Variants in ASB15 observed in about 807,000 individuals in gnomAD.
The protein encoded by ASB15 is ankyrin repeat and SOCS box protein 15.
A neutral mutation model predicts 58.0 loss-of-function variants in ASB15; 54 were observed. That is an observed-to-expected ratio of 0.93 (90% confidence interval 0.75 to 1.17). The LOEUF (loss-of-function observed/expected upper bound fraction) is 1.17. Among genes scored for constraint, ASB15 ranks in the 50% most tolerant of loss-of-function variants. ASB15 has a pLI of 0.00. For synonymous variants in ASB15, 249 were observed against 262.4 expected (o/e 0.95, Z 0.50); for missense variants, 680 against 707.4 (o/e 0.96, Z 0.44).
intron 7 of ASB15, among the ~76,000 whole-genome samples, chr7:123,619,540 T>A (rs1190247555): frequency 6.6e-6 from 1 of 152,096 alleles, no homozygotes; most frequent in Admixed American, 6.5e-5. Context: ...ACTCTTTTTT[T>A]TGAGGCAGAG....
chr7:123,611,388 G>A (rs910281867), intron 3 of ASB15, among the ~76,000 whole-genome samples: 5 of 152,134 alleles, frequency 3.3e-5, no homozygotes, highest in South Asian at 4.1e-4. Context: ...TCCGCCTCCC[G>A]GGTTCACGCC....
intron 1 of ASB15, among the ~76,000 whole-genome samples, chr7:123,571,270 AT>A (rs1425034371): frequency 6.6e-6 from 1 of 152,206 alleles, no homozygotes; most frequent in Non-Finnish European, 1.5e-5. Flanking sequence ...TTTGATTATT[AT>A]TCAGTATTAA....
intron 1 of ASB15, among the ~76,000 whole-genome samples, chr7:123,581,518 A>G (rs541339056): frequency 6.6e-6 from 1 of 151,454 alleles, no homozygotes; most frequent in African/African-American, 2.4e-5. Context: ...TGTTATTTCT[A>G]CCTTCATCTT....
intron 1 of ASB15, among the ~76,000 whole-genome samples, chr7:123,602,184 C>A (rs181595713): frequency 6.6e-6 from 1 of 152,072 alleles, no homozygotes; most frequent in African/African-American, 2.4e-5. Context: ...AATGAGTATC[C>A]TTATAGAACA....
chr7:123,617,498 T>C lies in ASB15; in HGVS notation c.293-81T>C, dbSNP rs552306792. The C allele has an allele frequency of 4.8e-6, 6 of 1,250,920 alleles. No individual in the cohort carries two copies. The African/African-American group carries it at 6.0e-5, about 12-fold the overall frequency. The allele number at this position is 1,250,920 out of a possible 1,614,324, so 77.5% of individuals were successfully genotyped here. On this transcript the variant is annotated intron_variant, in intron 6 of 11. Transcript: ENST00000451215. Reference sequence around the variant, plus strand: ...TTGACTTTGTTCAATCCGATGTATATAATATTGGATTGCTCTGATTTGTGT... The same window carrying C: ...TTGACTTTGTTCAATCCGATGTATACAATATTGGATTGCTCTGATTTGTGT...
intron 11 of ASB15, among the ~76,000 whole-genome samples, chr7:123,630,585 T>C (rs1050775096): frequency 2.0e-5 from 3 of 152,082 alleles, no homozygotes; most frequent in Non-Finnish European, 4.4e-5. Context: ...AGTCCTACCA[T>C]CAAAGGTTAG....
chr7:123,584,055 T>C (rs1294117305), intron 1 of ASB15, among the ~76,000 whole-genome samples: 3 of 151,958 alleles, frequency 2.0e-5, no homozygotes, highest in Non-Finnish European at 4.4e-5. Flanking sequence ...GTGCATGTAC[T>C]GCTTTGGTGA....
chr7:123,621,787 T>A (rs1250989713), intron 7 of ASB15, among the ~76,000 whole-genome samples: 1 of 152,194 alleles, frequency 6.6e-6, no homozygotes, highest in Non-Finnish European at 1.5e-5. Flanking sequence ...TGATTTGTGA[T>A]GATCTGACAC....
intron 6 of ASB15, 115 bp downstream of exon 6, chr7:123,616,610 A>T (rs1800835638): frequency 8.0e-7 from 1 of 1,251,476 alleles, no homozygotes; most frequent in Non-Finnish European, 1.1e-6. Context: ...TTAAAATATT[A>T]TTTGGAATTT....
chr7:123,598,955 G>T (rs765443925), upstream of ASB15: 1 of 152,072 alleles, frequency 6.6e-6, no homozygotes, highest in East Asian at 1.9e-4. Context: ...GAAAAACAGC[G>T]TACAGCATAG....
rs1481373914 is a variant in ASB15, at chr7:123,624,697, G to A, written c.580G>A (p.Ala194Thr). ...AAKQGRKDIV[A>T]LLLKHGGNVH... Reference sequence around the variant, plus strand: ...CAAGCAAGGCCGAAAAGATATCGTAGCTCTGCTGCTGAAACATGGAGGCAA... The same window carrying A: ...CAAGCAAGGCCGAAAAGATATCGTAACTCTGCTGCTGAAACATGGAGGCAA... The change falls in exon 8 of 12, where the codon GCT (alanine) becomes ACT (threonine). Residue 194 changes from alanine to threonine, a missense_variant. Coordinates refer to ENST00000451215, the MANE Select transcript of ASB15 (RefSeq NM_001290258.2). 3.7e-6 allele frequency: 6 copies of A among 1,614,196 alleles called. No homozygotes were observed. The highest frequency in any genetic ancestry group is 5.1e-6 in the Non-Finnish European group (6 of 1,180,034).
At chr7:123,581,332 A>T (rs1799229380) in intron 1 of ASB15, among the ~76,000 whole-genome samples, 1 of 151,716 alleles carries the variant, frequency 6.6e-6, no homozygotes, top group Non-Finnish European at 1.5e-5. Flanking sequence ...ATCAAATAAC[A>T]GCATCATTTT....
chr7:123,608,026 A>G (rs1800234022), intron 2 of ASB15, among the ~76,000 whole-genome samples: 1 of 152,140 alleles, frequency 6.6e-6, no homozygotes. Context: ...ATCTTCCCAC[A>G]TTTCTGTTAT....
At position 123,606,745 on chromosome 7, in the gene ASB15, G is replaced by A. The variant is rs530664523; in HGVS notation, c.-63-1849G>A. Among the ~76,000 whole-genome samples the A allele has an allele frequency of 7.9e-5, 12 of 152,180 alleles. No individual in the cohort carries two copies. In the South Asian group the frequency reaches 8.3e-4, roughly 11 times the overall value. ...CCTGGCTTGTTTCATTTAGCATAAC[G>A]TCCTCTAGGTTGATCCATGTTGTCA... is the stretch of plus-strand genomic sequence containing the variant. On this transcript the variant is annotated intron_variant, in intron 2 of 11. Transcript: ENST00000451215.
intron 1 of ASB15, among the ~76,000 whole-genome samples, chr7:123,577,319 T>C (rs1418296857): frequency 1.3e-5 from 2 of 152,190 alleles, no homozygotes; most frequent in Non-Finnish European, 2.9e-5. Context: ...TCTTATTCGA[T>C]ACTGAGAAGA....
chr7:123,624,416 A>T, intron 7 of ASB15, 153 bp from the exon 8 acceptor site: 1 of 704,536 alleles, frequency 1.4e-6, no homozygotes, highest in Non-Finnish European at 2.3e-6. Flanking sequence ...GGGTATGAGA[A>T]ACAGAAGGGA....
intron 3 of ASB15, chr7:123,612,503 G>A (rs1800522111): frequency 6.6e-6 from 1 of 152,144 alleles, no homozygotes; most frequent in Non-Finnish European, 1.5e-5. Context: ...AAGATGGCTG[G>A]AGAGGAACTG....
upstream of ASB15, among the ~76,000 whole-genome samples, chr7:123,599,364 C>T (rs1799800924): frequency 6.6e-6 from 1 of 152,186 alleles, no homozygotes; most frequent in Non-Finnish European, 1.5e-5. Flanking sequence ...GATAAAGCTC[C>T]AGTTCTGACA....
At position 123,617,740 on chromosome 7, in the gene ASB15, A is replaced by G. The variant is rs1160694406; in HGVS notation, c.451+3A>G. Reference sequence around the variant, plus strand: ...AGGAGAGACCCCCCTTCTGATTGGTAAATGACCTTTTTTTCTAGAACTTTT... The same window carrying G: ...AGGAGAGACCCCCCTTCTGATTGGTGAATGACCTTTTTTTCTAGAACTTTT... On this transcript the variant is annotated splice_donor_region_variant and intron_variant, in intron 7 of 11. Transcript: ENST00000451215. 2 of 1,601,014 alleles carry G rather than the reference A, an allele frequency of 1.2e-6. No homozygotes were observed. Among genetic ancestry groups the G allele is most frequent in the Non-Finnish European group, 1.7e-6 (2 of 1,172,900 alleles).
Sources: gnomAD v4.1 joint callset for allele counts (sites outside exome capture counted in the v4.1 genomes callset) on GRCh38, gnomAD v4.1.1 for gene constraint, MANE v1.5 for transcripts, NCBI Gene and HGNC (gene_info 2026-07-23, HGNC 2026-07-21) for gene names.